LDHAL6A: variants seen among roughly 807,000 people sequenced by gnomAD.
LDHAL6A encodes lactate dehydrogenase A like 6A.
Under a neutral mutation model 28.2 loss-of-function variants are expected in LDHAL6A, and 19 were observed. The ratio of observed to expected loss-of-function variants is 0.67; its 90% confidence interval spans 0.47 to 0.99. LDHAL6A has a LOEUF of 0.99. Ranked by LOEUF, LDHAL6A falls within the 50% of genes least tolerant of loss-of-function variation. The pLI is 0.00. For synonymous variants in LDHAL6A, 144 were observed against 134.4 expected (o/e 1.07, Z -0.49); for missense variants, 372 against 398.6 (o/e 0.93, Z 0.57).
intron 3 of LDHAL6A, among the ~76,000 whole-genome samples, chr11:18,466,673 T>C (rs1210464336): frequency 8.4e-6 from 1 of 118,438 alleles, no homozygotes; most frequent in African/African-American, 3.1e-5. Flanking sequence ...AAAAAAAAAG[T>C]AGTGTGTATG....
chr11:18,464,745 G>A (rs1369587097), intron 2 of LDHAL6A, among the ~76,000 whole-genome samples: 2 of 151,736 alleles, frequency 1.3e-5, no homozygotes, highest in African/African-American at 2.4e-5. Flanking sequence ...ATGGAGTAGG[G>A]ATTTGAACTC....
In LDHAL6A at chr11:18,456,007, G is replaced by A. The variant is rs896796568; in HGVS notation, c.-674G>A. The A allele has an allele frequency of 6.6e-6, 1 of 152,550 alleles. No homozygotes were observed. The highest frequency in any genetic ancestry group is 1.5e-5 in the Non-Finnish European group (1 of 68,296). The allele number at this position is 152,550 out of a possible 1,614,324, so 9.4% of individuals were successfully genotyped here. ...GGGGGCGACCCGGCGTCTGTTAGTC[G>A]GCGGTTCATCTCCTTCGTGCCTCGA... is the stretch of plus-strand genomic sequence containing the variant. On this transcript the variant is annotated 5_prime_UTR_variant, in exon 1 of 7. Transcript: ENST00000280706.
At chr11:18,476,588 T>A in intron 5 of LDHAL6A, 87 bp downstream of exon 5, 1 of 1,508,700 alleles carries the variant, frequency 6.6e-7, no homozygotes, top group Non-Finnish European at 8.9e-7. Flanking sequence ...CTTAAATATA[T>A]GTTGTTGTAT....
intron 3 of LDHAL6A, among the ~76,000 whole-genome samples, chr11:18,466,339 T>C (rs767873761): frequency 6.6e-6 from 1 of 152,124 alleles, no homozygotes; most frequent in Non-Finnish European, 1.5e-5. Flanking sequence ...TCAGTGTATA[T>C]ACTATAATGA....
intron 6 of LDHAL6A, among the ~76,000 whole-genome samples, chr11:18,478,502 G>A (rs1331644664): frequency 6.6e-6 from 1 of 152,118 alleles, no homozygotes; most frequent in African/African-American, 2.4e-5. Context: ...GGAGCTTGCA[G>A]TGAGCCGAGA....
intron 2 of LDHAL6A, among the ~76,000 whole-genome samples, chr11:18,464,977 G>GTTTTTGTTTTTTTTTTTTTTTTTT (rs1849014791): frequency 8.0e-6 from 1 of 125,490 alleles, no homozygotes; most frequent in African/African-American, 3.4e-5. Context: ...TGTTTTTTTT[G>GTTTTTGTTTTTTTTTTTTTTTTTT]TTTTTTTTTG....
intron 3 of LDHAL6A, among the ~76,000 whole-genome samples, chr11:18,471,441 C>T (rs972737648): frequency 6.6e-6 from 1 of 151,672 alleles, no homozygotes; most frequent in African/African-American, 2.4e-5. Context: ...AACTCCTGGC[C>T]TCAAGTGATC....
intron 5 of LDHAL6A, among the ~76,000 whole-genome samples, chr11:18,477,298 A>C (rs1849408443): frequency 6.6e-6 from 1 of 152,114 alleles, no homozygotes; most frequent in South Asian, 2.1e-4. Context: ...GTCTCTACTA[A>C]AAATACAAAA....
At chr11:18,464,977 G>GTTTGTTTTTTTTTTTTTTTTTT (rs1849013732) in intron 2 of LDHAL6A, among the ~76,000 whole-genome samples, 4 of 125,564 alleles carry the variant, frequency 3.2e-5, no homozygotes, top group African/African-American at 1.3e-4. Context: ...TGTTTTTTTT[G>GTTTGTTTTTTTTTTTTTTTTTT]TTTTTTTTTG....
chr11:18,463,912 G>C (rs1848984542), intron 1 of LDHAL6A, 49 bp from the exon 2 acceptor site: 1 of 1,181,706 alleles, frequency 8.5e-7, no homozygotes, highest in African/African-American at 1.5e-5. Flanking sequence ...TCATTCTCCA[G>C]TTAATCAAGA....
chr11:18,471,501 C>T (rs186669060), intron 3 of LDHAL6A, among the ~76,000 whole-genome samples: 232 of 152,080 alleles, frequency 1.5e-3, no homozygotes, highest in Middle Eastern at 3.4e-3. Context: ...TGAACCGCCA[C>T]GCCTGCATAC....
chr11:18,462,838 A>AAC (rs1554966840), intron 1 of LDHAL6A, among the ~76,000 whole-genome samples: 3 of 151,570 alleles, frequency 2.0e-5, no homozygotes, highest in Admixed American at 6.6e-5. Context: ...CCATCTCAAA[A>AAC]AAAAACAAAA....
intron 3 of LDHAL6A, among the ~76,000 whole-genome samples, chr11:18,471,236 G>A (rs1226548601): frequency 1.3e-5 from 2 of 148,384 alleles, no homozygotes; most frequent in Non-Finnish European, 3.0e-5. Flanking sequence ...TTGAGAGAGG[G>A]TTTTGCTCTG....
rs754190988 is a variant in LDHAL6A, at chr11:18,477,726, G to C, written c.817G>C (p.Val273Leu). The C allele has an allele frequency of 1.9e-6, 3 of 1,608,306 alleles. No homozygotes were observed. In the East Asian group the frequency reaches 6.7e-5, roughly 36 times the overall value. ...ILKNLRRVHP[V>L]STLSKGLYGI... ...GAAGAATCTTAGGAGAGTGCATCCA[G>C]TTTCTACCCTAAGTAAGGTAGGACA... The change falls in exon 6 of 7, where the codon GTT becomes CTT. Residue 273 changes from valine (V) to leucine (L), a missense_variant. Coordinates refer to ENST00000280706, the MANE Select transcript of LDHAL6A (RefSeq NM_144972.5).
rs1849383962 is a variant in LDHAL6A at position 18,476,395 on chromosome 11, AG to A, written c.605del (p.Ser202MetfsTer3). ...EHGDSSVPVW[S>X]GVNIAGVPLK... ...TGTCTCTTTCTTAGTTCCTGTGTGGAGTGGTGTGAACATTGCTGGCGTCCCT... is the reference window on the plus strand; with the variant it reads ...TGTCTCTTTCTTAGTTCCTGTGTGGATGGTGTGAACATTGCTGGCGTCCCT... On this transcript the variant is annotated frameshift_variant, in exon 5 of 7. Transcript: ENST00000280706. LOFTEE classifies it high-confidence loss of function. 2 of 1,613,370 alleles carry A rather than the reference AG, an allele frequency of 1.2e-6. No homozygotes were observed.
chr11:18,467,920 C>CACACACACACATATATATATATATAT (rs1849126848), intron 3 of LDHAL6A, among the ~76,000 whole-genome samples: 1 of 42,054 alleles, frequency 2.4e-5, no homozygotes, highest in African/African-American at 1.4e-4. Context: ...TATATATATA[C>CACACACACACATATATATATATATAT]ACACACATAT....
chr11:18,472,866 A>G (rs571244425), intron 3 of LDHAL6A, among the ~76,000 whole-genome samples: 1 of 152,302 alleles, frequency 6.6e-6, no homozygotes, highest in Admixed American at 6.5e-5. Context: ...AAGAAAATAA[A>G]AGAGGTTTAA....
At chr11:18,474,200 T>C (rs551269068) in intron 3 of LDHAL6A, among the ~76,000 whole-genome samples, 4 of 150,030 alleles carry the variant, frequency 2.7e-5, no homozygotes, top group African/African-American at 9.8e-5. Context: ...TGCCTCAGCC[T>C]CCCAAGTAGC....
intron 3 of LDHAL6A, 118 bp downstream of exon 3, chr11:18,465,928 G>C: frequency 1.3e-6 from 1 of 766,714 alleles, no homozygotes; most frequent in South Asian, 1.9e-5. Flanking sequence ...CTGCCACCCA[G>C]GTACTGAGCA....
Sources: gnomAD v4.1 joint callset for allele counts (sites outside exome capture counted in the v4.1 genomes callset) on GRCh38, gnomAD v4.1.1 for gene constraint, MANE v1.5 for transcripts, NCBI Gene and HGNC (gene_info 2026-07-23, HGNC 2026-07-21) for gene names.